Variants in PARP16 observed in about 807,000 individuals in gnomAD.
The protein encoded by PARP16 is protein mono-ADP-ribosyltransferase PARP16.
A neutral mutation model predicts 35.0 loss-of-function variants in PARP16; 31 were observed. The ratio of observed to expected loss-of-function variants is 0.88; its 90% CI spans 0.66 to 1.19. The LOEUF is 1.19. Ranked by LOEUF, PARP16 falls within the 50% of genes most tolerant of loss-of-function variation. The probability of loss-of-function intolerance (pLI) is 0.00; values close to 1 mark genes in which losing one functional copy is unlikely to be tolerated. For synonymous variants in PARP16, 162 were observed against 169.5 expected, an observed-to-expected ratio of 0.96 and a Z score of 0.34; for missense variants, 424 against 411.2, an observed-to-expected ratio of 1.03 and a Z score of -0.27.
intron 3 of PARP16, among the ~76,000 whole-genome samples, chr15:65,235,310 CA>C (rs969034718): frequency 6.7e-6 from 1 of 149,086 alleles, no homozygotes; most frequent in Non-Finnish European, 1.5e-5. Context: ...CCGTCCCCCC[CA>C]AAAAAAATTA....
chr15:65,237,953 C>T (rs1273711076), intron 3 of PARP16, among the ~76,000 whole-genome samples: 1 of 152,202 alleles, frequency 6.6e-6, no homozygotes, highest in Non-Finnish European at 1.5e-5. Context: ...TATTCTCTGT[C>T]CCTACATGAT....
intron 2 of PARP16, among the ~76,000 whole-genome samples, chr15:65,269,491 C>T (rs8023288): frequency 6.6e-6 from 1 of 152,010 alleles, no homozygotes; most frequent in Non-Finnish European, 1.5e-5. Context: ...CTACCGCACC[C>T]AGCCAGTGGT....
intron 1 of PARP16, among the ~76,000 whole-genome samples, chr15:65,272,295 T>C (rs374262934): frequency 1.7e-4 from 26 of 152,176 alleles, no homozygotes; most frequent in African/African-American, 5.8e-4. Context: ...CTAGTTGTCA[T>C]TGCAGCACAT....
intron 1 of PARP16, among the ~76,000 whole-genome samples, chr15:65,272,705 A>T (rs1324649097): frequency 6.6e-6 from 1 of 151,982 alleles, no homozygotes; most frequent in Non-Finnish European, 1.5e-5. Context: ...TGTTTTTCCA[A>T]TTCTCCTCTT....
At position 65,260,977 on chromosome 15, in the gene PARP16, C is replaced by G. The variant is rs1259204128; in HGVS notation, c.741G>C (p.Gly247=). The G allele has an allele frequency of 1.9e-6, 3 of 1,613,664 alleles. No homozygotes were observed. Among genetic ancestry groups the G allele is most frequent in the Admixed American group, 3.3e-5 (2 of 59,998 alleles). Reference sequence around the variant, plus strand: ...CGAAGTACTTGGGAGGGATGTCTCCCCCTTCACTATGTTTGATTCTCGCTC... The same window carrying G: ...CGAAGTACTTGGGAGGGATGTCTCCGCCTTCACTATGTTTGATTCTCGCTC... The part of the protein sequence containing the change: ...RRRARIKHSE[G]GDIPPKYFVV... Residue 247 remains glycine, a synonymous_variant, in exon 5 of 6, where the codon GGG becomes GGC. Coordinates refer to ENST00000649807, the MANE Select transcript of PARP16 (RefSeq NM_001316943.2).
chr15:65,231,760 C>A (rs937005647), downstream of PARP16, among the ~76,000 whole-genome samples: 20 of 151,990 alleles, frequency 1.3e-4, no homozygotes, highest in Admixed American at 1.1e-3. Context: ...TGTTTTTAAG[C>A]CCATAAGACA....
Position 65,248,074 on chromosome 15 carries a change from G to T in PARP16, c.*97+43C>A, listed in dbSNP as rs2089258573. 4 of 438,220 alleles carry T rather than the reference G, an allele frequency of 9.1e-6. No individual in the cohort carries two copies. In the Admixed American group the frequency reaches 9.7e-5, roughly 11 times the overall value. The allele number at this position is 438,220 out of a possible 1,614,324, so 27.1% of individuals were successfully genotyped here. A position where few individuals can be genotyped will look rare whatever the true frequency, so the allele number is the denominator to read the frequency against. ...CCGCCTCGGCCTCCCAAAGTGCTGG[G>T]ATTACAGGCGTGAGCCACCGCTCCC... On this transcript the variant is annotated intron_variant and NMD_transcript_variant, in intron 3 of 3. Transcript: ENST00000559805.
At chr15:65,263,935 AG>A (rs1464011228) in intron 3 of PARP16, among the ~76,000 whole-genome samples, 22 of 152,324 alleles carry the variant, frequency 1.4e-4, no homozygotes, top group African/African-American at 5.1e-4. Flanking sequence ...CCACCTGAGA[AG>A]GGAGGTAATC....
rs2089689267 is a variant in PARP16 at position 65,260,929 on chromosome 15, C to A, written c.789G>T (p.Leu263=). 1.2e-6 allele frequency: 2 copies of A among 1,614,042 alleles called. No individual in the cohort carries two copies. The highest frequency in any genetic ancestry group is 1.7e-6 in the Non-Finnish European group (2 of 1,179,968). The change falls in exon 5 of 6, where the codon CTG becomes CTT. Residue 263 remains leucine, a synonymous_variant. Coordinates refer to ENST00000649807, the MANE Select transcript of PARP16 (RefSeq NM_001316943.2). ...KYFVVTNNQL[L]RVKYLLVYSQ... is the part of the protein sequence containing the mutation. ...AATACACCAGGAGGTACTTCACTCG[C>A]AGCAGCTGGTTATTGGTGACCACGA... is the stretch of plus-strand genomic sequence containing the variant.
intron 3 of PARP16, chr15:65,248,003 A>G: frequency 2.9e-6 from 1 of 344,182 alleles, no homozygotes; most frequent in Non-Finnish European, 5.8e-6. Context: ...GTGGGGTTTC[A>G]CCGTGTTAGC....
chr15:65,257,381 C>G (rs2089545758), downstream of PARP16, among the ~76,000 whole-genome samples: 1 of 151,692 alleles, frequency 6.6e-6, no homozygotes, highest in Admixed American at 6.6e-5. Context: ...TTGCAATGAG[C>G]TGAGATTGCA....
At chr15:65,233,241 G>C (rs1595970886), downstream of PARP16, among the ~76,000 whole-genome samples, 1 of 151,848 alleles carries the variant, frequency 6.6e-6, no homozygotes, top group South Asian at 2.1e-4. Context: ...GTGAAACCCC[G>C]TCTCTACTAA....
chr15:65,265,978 G>C (rs2089877938), intron 3 of PARP16, among the ~76,000 whole-genome samples: 1 of 151,716 alleles, frequency 6.6e-6, no homozygotes, highest in Admixed American at 6.6e-5. Context: ...ACCTAGGCTG[G>C]AGTGCAATGG....
intron 4 of PARP16, among the ~76,000 whole-genome samples, chr15:65,261,347 G>C (rs1438146362): frequency 1.3e-5 from 2 of 150,346 alleles, no homozygotes; most frequent in Non-Finnish European, 3.0e-5. Context: ...CTAGGAACAG[G>C]ACTTGATCTG....
intron 4 of PARP16, 117 bp downstream of exon 4, chr15:65,263,032 T>C (rs779259522): frequency 1.4e-4 from 128 of 944,680 alleles, no homozygotes; most frequent in Middle Eastern, 2.9e-4. Flanking sequence ...GGCACTGCCC[T>C]GGATCCAGCC....
rs969588297 is a variant in PARP16, at chr15:65,260,803, G to T, written c.833+82C>A. 3.1e-6 allele frequency: 4 copies of T among 1,287,512 alleles called. No homozygotes were observed. In the African/African-American group the frequency reaches 5.8e-5, roughly 19 times the overall value. 79.8% of individuals were successfully genotyped at this position (1,287,512 alleles called of 1,614,324 possible). A position where few individuals can be genotyped will look rare whatever the true frequency, so the allele number is the denominator to read the frequency against. On this transcript the variant is annotated intron_variant, in intron 5 of 5. Coordinates refer to ENST00000649807, the MANE Select transcript of PARP16 (RefSeq NM_001316943.2). ...TGACATCTAGCGGAGGTCTAAGGCT[G>T]GGGGAGGGGAGGCTGATACCTACAA...
intron 3 of PARP16, among the ~76,000 whole-genome samples, chr15:65,265,290 T>C (rs1281728837): frequency 6.6e-6 from 1 of 152,226 alleles, no homozygotes; most frequent in Non-Finnish European, 1.5e-5. Context: ...CCTTGGTACT[T>C]AGTACACAAA....
At chr15:65,256,654 G>T (rs570963932), downstream of PARP16, among the ~76,000 whole-genome samples, 3 of 151,954 alleles carry the variant, frequency 2.0e-5, no homozygotes, top group East Asian at 3.9e-4. Flanking sequence ...TGATCCTCCC[G>T]TCTCGGCCTC....
chr15:65,240,297 T>G (rs1433477674), intron 3 of PARP16, among the ~76,000 whole-genome samples: 1 of 75,582 alleles, frequency 1.3e-5, no homozygotes, highest in Non-Finnish European at 3.1e-5. Flanking sequence ...GCCTGGCTAG[T>G]GTGTGTGTGT....
Sources: gnomAD v4.1 joint callset for allele counts (sites outside exome capture counted in the v4.1 genomes callset) on GRCh38, gnomAD v4.1.1 for gene constraint, MANE v1.5 for transcripts, NCBI Gene and HGNC (gene_info 2026-07-23, HGNC 2026-07-21) for gene names.